Variants in UGP2 observed in about 807,000 individuals in gnomAD.
UGP2 encodes the protein UDP-glucose pyrophosphorylase 2, also known as UTP--glucose-1-phosphate uridylyltransferase.
In UGP2, 40 loss-of-function variants were observed where a neutral mutation model predicts 49.0. The observed-to-expected ratio is 0.82, with a 90% confidence interval of 0.63 to 1.06. UGP2 has a LOEUF of 1.06. UGP2 is among the 50% of genes least tolerant of loss of function. The pLI is 0.00. For synonymous variants in UGP2, 225 were observed against 213.0 expected (o/e 1.06, Z -0.49); for missense variants, 460 against 603.5 (o/e 0.76, Z 2.49).
In UGP2 at chr2:63,868,819, C is replaced by G. The variant is rs1354811346; in HGVS notation, c.255+10883C>G. ...TGAAACCCCATCTCTACTAAAAATA[C>G]AAAAATTAGCCGGGCGTGGTGGCAT... On this transcript the variant is annotated intron_variant, in intron 3 of 9. Transcript: ENST00000337130. 1.3e-5 allele frequency among the ~76,000 whole-genome samples: 2 copies of G among 151,884 alleles called. 1 individual carries two copies. The highest frequency in any genetic ancestry group is 6.3e-3 in the Middle Eastern group (2 of 316).
chr2:63,884,679 A>G (rs924431511), intron 5 of UGP2, among the ~76,000 whole-genome samples: 2 of 152,132 alleles, frequency 1.3e-5, no homozygotes, highest in African/African-American at 4.8e-5. Flanking sequence ...TGGAAAGCCA[A>G]GGCAGGAGGA....
intron 3 of UGP2, among the ~76,000 whole-genome samples, chr2:63,870,519 G>A (rs1198464306): frequency 3.3e-5 from 5 of 152,052 alleles, no homozygotes. Flanking sequence ...AACGTCTATT[G>A]ATCCAGTATT....
rs529164194 is a variant in UGP2, at chr2:63,883,879, T to G, written c.442-81T>G. 7 of 1,497,852 alleles carry G rather than the reference T, an allele frequency of 4.7e-6. No homozygotes were observed. The South Asian group carries it at 9.3e-5, about 20-fold the overall frequency. The allele number at this position is 1,497,852 out of a possible 1,614,324, so 92.8% of individuals were successfully genotyped here. A position where few individuals can be genotyped will look rare whatever the true frequency, so the allele number is the denominator to read the frequency against. On this transcript the variant is annotated intron_variant, in intron 4 of 9. Coordinates refer to ENST00000337130, the MANE Select transcript of UGP2 (RefSeq NM_006759.4). The stretch of plus-strand genomic sequence containing the variant: ...GATGATGTTTTAGATATTTTATGAT[T>G]TAACCATTAAGAACTAATTTTGCAT...
chr2:63,846,695 C>T (rs144880240), intron 1 of UGP2, among the ~76,000 whole-genome samples: 302 of 152,292 alleles, frequency 2.0e-3, no homozygotes, highest in Non-Finnish European at 3.7e-3. Context: ...CTGGAGGGGT[C>T]TCCGAGGAAT....
chr2:63,863,772 A>G (rs894146002), intron 3 of UGP2, among the ~76,000 whole-genome samples: 1 of 152,198 alleles, frequency 6.6e-6, no homozygotes, highest in East Asian at 1.9e-4. Flanking sequence ...AAGAGTACTG[A>G]TGGAATTTTT....
At chr2:63,861,475 AAAG>A (rs1192227149) in intron 3 of UGP2, among the ~76,000 whole-genome samples, 1 of 151,824 alleles carries the variant, frequency 6.6e-6, no homozygotes, top group Admixed American at 6.6e-5. Flanking sequence ...AATATTCTCT[AAAG>A]AAGGCTTTTT....
chr2:63,885,635 G>A lies in UGP2; in HGVS notation c.622G>A (p.Val208Met). Residue 208 changes from valine (V) to methionine (M), a missense_variant, in exon 6 of 10, where the codon GTG (valine) becomes ATG (methionine). Val to Met is a conservative substitution (Grantham distance 21). This residue lies in a region of UGP2 where 317 missense variants were observed against 473.0 expected (regional missense o/e 0.67). Coordinates refer to ENST00000337130, the MANE Select transcript of UGP2 (RefSeq NM_006759.4). ...KESLLPVAKD[V>M]SYSGENTEAW... is the part of the protein sequence containing the mutation. The stretch of plus-strand genomic sequence containing the variant: ...ATCTTTACTTCCTGTAGCAAAGGAC[G>A]TGTCTTACTCAGGGGAAAATACAGA... The A allele has an allele frequency of 6.3e-7, 1 of 1,595,328 alleles. No homozygotes were observed. The highest frequency in any genetic ancestry group is 8.5e-7 in the Non-Finnish European group (1 of 1,173,932).
rs187024116 is a variant in UGP2, at chr2:63,855,905, G to T, written c.20-401G>T. 32 of 226,130 alleles carry T rather than the reference G, an allele frequency of 1.4e-4. 1 individual carries two copies. Among genetic ancestry groups the T allele is most frequent in the Admixed American group, 1.3e-3 (23 of 18,226 alleles). The allele number at this position is 226,130 out of a possible 1,614,324, so 14.0% of individuals were successfully genotyped here. A position where few individuals can be genotyped will look rare whatever the true frequency, so the allele number is the denominator to read the frequency against. Reference sequence around the variant, plus strand: ...CTAAGAGGGATTTCCGTCACCTTTAGTGAGATCCATCTGTCACAGAAGTGC... The same window carrying T: ...CTAAGAGGGATTTCCGTCACCTTTATTGAGATCCATCTGTCACAGAAGTGC... On this transcript the variant is annotated intron_variant, in intron 1 of 9. Transcript: ENST00000337130.
chr2:63,855,727 A>C, intron 1 of UGP2: 1 of 415,822 alleles, frequency 2.4e-6, no homozygotes, highest in Admixed American at 2.6e-5. Context: ...TTTTTTGTAG[A>C]GATGAGGTTT....
intron 1 of UGP2, among the ~76,000 whole-genome samples, chr2:63,848,512 C>T (rs1038809485): frequency 6.6e-5 from 10 of 152,224 alleles, no homozygotes; most frequent in African/African-American, 1.2e-4. Flanking sequence ...TATAGGTGCA[C>T]GCCACCATGC....
rs771577098 is a variant in UGP2 at position 63,891,128 on chromosome 2, TATC to T, written c.1434_1436del (p.Ile479del). The T allele has an allele frequency of 6.8e-6, 11 of 1,613,246 alleles. No homozygotes were observed. The highest frequency in any genetic ancestry group is 1.3e-5 in the African/African-American group (1 of 75,014). ...TTTTCCCTGTCACTTAGGGAACGGT[TATC>T]ATCATTGCAAATCATGGTGACAGAA... On this transcript the variant is annotated inframe_deletion, in exon 10 of 10. Transcript: ENST00000337130.
Position 63,842,069 on chromosome 2 carries a change from TAGG to T in UGP2, c.-111_-109del. On this transcript the variant is annotated 5_prime_UTR_variant, in exon 1 of 10. Coordinates refer to ENST00000337130, the MANE Select transcript of UGP2 (RefSeq NM_006759.4). The stretch of plus-strand genomic sequence containing the variant: ...AAATACTCCCTTAAGTAGTTAAATA[TAGG>T]AGGAGAAAGAATACATCGGTTGTTA... 1.6e-6 allele frequency: 2 copies of T among 1,275,020 alleles called. No individual in the cohort carries two copies. The highest frequency in any genetic ancestry group is 2.1e-6 in the Non-Finnish European group (2 of 931,130). The allele number at this position is 1,275,020 out of a possible 1,614,324, so 79.0% of individuals were successfully genotyped here. A position where few individuals can be genotyped will look rare whatever the true frequency, so the allele number is the denominator to read the frequency against.
rs1242759752 is a variant in UGP2, at chr2:63,842,551, GCA to G, written c.19+349_19+350del. 14 of 1,514,738 alleles carry G rather than the reference GCA, an allele frequency of 9.2e-6. No homozygotes were observed. In the Admixed American group the frequency reaches 2.8e-4, roughly 30 times the overall value. 93.8% of individuals were successfully genotyped at this position (1,514,738 alleles called of 1,614,324 possible). On this transcript the variant is annotated intron_variant, in intron 1 of 9. Transcript: ENST00000337130. ...GGTCTGTGTCAAGGTACCTGTGCGT[GCA>G]CGCAGACGGGAAGGGCTGGGGAAGC...
chr2:63,875,476 T>C (rs1371115384), intron 3 of UGP2, among the ~76,000 whole-genome samples: 1 of 152,248 alleles, frequency 6.6e-6, no homozygotes, highest in Non-Finnish European at 1.5e-5. Flanking sequence ...ATTTGGCTTT[T>C]CTTCTAACTG....
intron 3 of UGP2, among the ~76,000 whole-genome samples, chr2:63,867,076 TTA>T (rs1246918256): frequency 1.3e-5 from 2 of 152,234 alleles, no homozygotes; most frequent in Non-Finnish European, 2.9e-5. Context: ...GTGTGAATTT[TTA>T]TAGTTTTAAA....
intron 3 of UGP2, 160 bp downstream of exon 3, chr2:63,858,096 C>A: frequency 1.6e-6 from 1 of 621,826 alleles, no homozygotes; most frequent in Admixed American, 3.1e-5. Context: ...ATGGAGACAG[C>A]CTTCAGCTCC....
In UGP2 at chr2:63,887,557, T is replaced by C. The variant is rs762549887; in HGVS notation, c.1227T>C (p.Tyr409=). 4 of 1,614,162 alleles carry C rather than the reference T, an allele frequency of 2.5e-6. No individual in the cohort carries two copies. The highest frequency in any genetic ancestry group is 1.1e-5 in the South Asian group (1 of 91,086). ...SDLLLVMSNL[Y]SLNAGSLTMS... The stretch of plus-strand genomic sequence containing the variant: ...TCTTGCTGGTGATGTCAAACCTCTA[T>C]AGTCTTAATGCAGGATCTCTGACAA... The change falls in exon 8 of 10, where the codon TAT becomes TAC. Residue 409 remains tyrosine (Y), a synonymous_variant. Transcript: ENST00000337130.
chr2:63,857,160 G>A (rs1302751836), intron 2 of UGP2, among the ~76,000 whole-genome samples: 4 of 152,134 alleles, frequency 2.6e-5, no homozygotes, highest in Non-Finnish European at 5.9e-5. Context: ...AATTAGCCAG[G>A]CATGGTGGTA....
intron 3 of UGP2, among the ~76,000 whole-genome samples, chr2:63,860,508 G>C (rs1266443280): frequency 3.3e-5 from 5 of 152,032 alleles, no homozygotes; most frequent in African/African-American, 9.7e-5. Context: ...GAACATCTTT[G>C]GTAGCTTTCT....
Sources: allele counts gnomAD v4.1 joint callset (sites outside exome capture counted in the v4.1 genomes callset), GRCh38; gene constraint gnomAD v4.1.1; regional missense constraint gnomAD v4.1.1; transcripts MANE v1.5; gene names NCBI Gene and HGNC (gene_info 2026-07-23, HGNC 2026-07-21).